PLCL1: variants seen among roughly 807,000 people sequenced by gnomAD.
PLCL1 encodes inactive phospholipase C-like protein 1.
PLCL1 carries 41 observed loss-of-function variants against 84.4 expected under a neutral mutation model. The ratio of observed to expected loss-of-function variants is 0.49; its 90% CI spans 0.38 to 0.63. PLCL1 has a LOEUF of 0.63. Among genes scored for constraint, PLCL1 ranks in the 30% least tolerant of loss-of-function variants. The probability of loss-of-function intolerance (pLI) is 0.00; values close to 1 mark genes in which losing one functional copy is unlikely to be tolerated. For missense variants in PLCL1, 1,206 were observed against 1,367.8 expected (o/e 0.88, Z 1.87); for synonymous variants, 490 against 488.3 (o/e 1.00, Z -0.05).
At chr2:197,995,722 AT>A (rs1321498779) in intron 1 of PLCL1, among the ~76,000 whole-genome samples, 1 of 152,168 alleles carries the variant, frequency 6.6e-6, no homozygotes, top group African/African-American at 2.4e-5. Flanking sequence ...TACATTTTAA[AT>A]TCATGCCCTG....
At chr2:198,018,881 C>T (rs950852166) in intron 1 of PLCL1, among the ~76,000 whole-genome samples, 7 of 152,206 alleles carry the variant, frequency 4.6e-5, no homozygotes, top group Non-Finnish European at 2.9e-5. Context: ...TCGAGCTCTG[C>T]TAAGGGACAG....
intron 1 of PLCL1, among the ~76,000 whole-genome samples, chr2:198,005,396 G>T (rs1479272806): frequency 6.6e-6 from 1 of 152,234 alleles, no homozygotes; most frequent in Admixed American, 6.5e-5. Flanking sequence ...GATGGCAAAG[G>T]AAAGTTCTCT....
chr2:197,860,740 G>A (rs1473037227), intron 1 of PLCL1, among the ~76,000 whole-genome samples: 1 of 151,656 alleles, frequency 6.6e-6, no homozygotes, highest in South Asian at 2.1e-4. Flanking sequence ...TTGTAAATTT[G>A]TAAGTTCCTT....
intron 1 of PLCL1, among the ~76,000 whole-genome samples, chr2:198,069,394 C>T (rs1431370121): frequency 6.6e-6 from 1 of 151,982 alleles, no homozygotes; most frequent in South Asian, 2.1e-4. Context: ...GAGGCTGAGG[C>T]GAGAGGATTG....
intron 1 of PLCL1, among the ~76,000 whole-genome samples, chr2:197,897,908 T>C (rs1367994638): frequency 6.6e-6 from 1 of 152,226 alleles, no homozygotes; most frequent in Non-Finnish European, 1.5e-5. Context: ...GAAGTGGCCC[T>C]AGTTTACCTG....
At chr2:197,881,128 T>G (rs1203984451) in intron 1 of PLCL1, among the ~76,000 whole-genome samples, 1 of 152,144 alleles carries the variant, frequency 6.6e-6, no homozygotes, top group African/African-American at 2.4e-5. Flanking sequence ...CTCCTACTCC[T>G]AACACAGTTC....
At chr2:197,956,694 T>C (rs766003123) in intron 1 of PLCL1, among the ~76,000 whole-genome samples, 6 of 152,320 alleles carry the variant, frequency 3.9e-5, no homozygotes. Context: ...TTTTTTCATA[T>C]GTTTGTTGGC....
chr2:198,083,948 TTC>T lies in PLCL1; in HGVS notation c.432_433del (p.Arg145LeufsTer14). The T allele has an allele frequency of 6.2e-7, 1 of 1,614,092 alleles. No individual in the cohort carries two copies. Among genetic ancestry groups the T allele is most frequent in the Non-Finnish European group, 8.5e-7 (1 of 1,179,952 alleles). Reference sequence around the variant, plus strand: ...ACTCTGGACACAGACCTTCAAGCTCTTCGCTGGGAACCTTCAAAGAAAGACCT... The same window carrying T: ...ACTCTGGACACAGACCTTCAAGCTCTGCTGGGAACCTTCAAAGAAAGACCT... On this transcript the variant is annotated frameshift_variant, in exon 2 of 6. Transcript: ENST00000428675. LOFTEE classifies it high-confidence loss of function.
At chr2:198,055,843 C>T (rs1692058613) in intron 1 of PLCL1, among the ~76,000 whole-genome samples, 1 of 152,110 alleles carries the variant, frequency 6.6e-6, no homozygotes, top group South Asian at 2.1e-4. Flanking sequence ...GAAATAATCA[C>T]TGTTTCATCA....
At chr2:198,136,639 G>A (rs1342373515) in intron 5 of PLCL1, among the ~76,000 whole-genome samples, 2 of 152,080 alleles carry the variant, frequency 1.3e-5, no homozygotes, top group African/African-American at 4.8e-5. Context: ...TATGTGGAAG[G>A]CTTGTGGGGG....
At chr2:198,000,971 C>T (rs1690587261) in intron 1 of PLCL1, among the ~76,000 whole-genome samples, 1 of 151,996 alleles carries the variant, frequency 6.6e-6, no homozygotes, top group South Asian at 2.1e-4. Context: ...CTTTTCAGAG[C>T]CTTAAGTTTC....
chr2:197,910,091 C>T (rs1212871946), intron 1 of PLCL1, among the ~76,000 whole-genome samples: 1 of 152,178 alleles, frequency 6.6e-6, no homozygotes, highest in East Asian at 1.9e-4. Flanking sequence ...GCCTATTGCA[C>T]AGGGATTTAG....
intron 1 of PLCL1, among the ~76,000 whole-genome samples, chr2:197,865,232 A>G (rs1687506814): frequency 6.6e-6 from 1 of 152,176 alleles, no homozygotes; most frequent in Non-Finnish European, 1.5e-5. Flanking sequence ...TTAGTGAAAT[A>G]TGGGGAAACC....
chr2:197,945,134 T>C (rs1455427067), intron 1 of PLCL1, among the ~76,000 whole-genome samples: 1 of 152,250 alleles, frequency 6.6e-6, no homozygotes, highest in African/African-American at 2.4e-5. Context: ...GAAGTACTTT[T>C]TGACCTTGCT....
chr2:197,912,280 A>G (rs536155000), intron 1 of PLCL1, among the ~76,000 whole-genome samples: 29 of 152,032 alleles, frequency 1.9e-4, no homozygotes, highest in African/African-American at 6.8e-4. Flanking sequence ...CAATCATTAA[A>G]AAGTCAGGAA....
intron 1 of PLCL1, among the ~76,000 whole-genome samples, chr2:197,833,285 G>T (rs1222237902): frequency 6.6e-6 from 1 of 152,200 alleles, no homozygotes; most frequent in Non-Finnish European, 1.5e-5. Flanking sequence ...AGACAAGGAT[G>T]CCCTCTCTCA....
intron 1 of PLCL1, among the ~76,000 whole-genome samples, chr2:197,955,172 C>A (rs1318519564): frequency 2.6e-5 from 4 of 152,094 alleles, no homozygotes; most frequent in African/African-American, 4.8e-5. Flanking sequence ...AGCTTTTCTC[C>A]TGGCTCTCAG....
At position 197,866,782 on chromosome 2, in the gene PLCL1, T is replaced by C. The variant is rs575935099; in HGVS notation, c.240+61443T>C. ...TTAGATGCTTTTCCTTCTTTGTCTC[T>C]CTTCCCCACTTCCCTACCACTGTTC... On this transcript the variant is annotated intron_variant, in intron 1 of 5. Transcript: ENST00000428675. Among the ~76,000 whole-genome samples the C allele has an allele frequency of 6.6e-5, 10 of 152,278 alleles. No homozygotes were observed. The East Asian group carries it at 1.2e-3, about 18-fold the overall frequency.
Position 198,085,272 on chromosome 2 carries a change from C to G in PLCL1, c.1755C>G (p.Leu585=), listed in dbSNP as rs1293568696. ...AGCAAATCCGACTCTGTAGGGAGCT[C>G]TCTGATTTGGTGTCTATTTGTAAAT... ...EQKQIRLCRE[L]SDLVSICKSV... is the part of the protein sequence containing the mutation. Residue 585 remains leucine (L), a synonymous_variant, in exon 2 of 6, where the codon CTC becomes CTG. Transcript: ENST00000428675. The surrounding 1 kb of genome is among the most constrained non-coding windows in gnomAD (Gnocchi z 5.3). The G allele has an allele frequency of 6.2e-7, 1 of 1,613,898 alleles. No individual in the cohort carries two copies. Among genetic ancestry groups the G allele is most frequent in the Non-Finnish European group, 8.5e-7 (1 of 1,179,852 alleles).
Sources: allele counts gnomAD v4.1 joint callset (sites outside exome capture counted in the v4.1 genomes callset), GRCh38; gene constraint gnomAD v4.1.1; non-coding constraint Gnocchi (gnomAD v3.1); transcripts MANE v1.5; gene names NCBI Gene and HGNC (gene_info 2026-07-23, HGNC 2026-07-21).